THEM4: variants seen among roughly 807,000 people sequenced by gnomAD.
THEM4 encodes the protein thioesterase superfamily member 4, also known as acyl-coenzyme A thioesterase THEM4.
Under a neutral mutation model 25.0 loss-of-function variants are expected in THEM4, and 22 were observed. The observed-to-expected ratio is 0.88, with a 90% CI of 0.63 to 1.26. THEM4 has a LOEUF of 1.26. Ranked by LOEUF, THEM4 falls within the 50% of genes most tolerant of loss-of-function variation. THEM4 has a pLI of 0.00. For synonymous variants in THEM4, 113 were observed against 105.6 expected (o/e 1.07, Z -0.43); for missense variants, 286 against 300.3 (o/e 0.95, Z 0.35).
At chr1:151,879,720 G>A (rs1251043643) in intron 4 of THEM4, among the ~76,000 whole-genome samples, 3 of 149,366 alleles carry the variant, frequency 2.0e-5, no homozygotes, top group Non-Finnish European at 4.4e-5. Flanking sequence ...GCAGTGGCGC[G>A]ATCTTGGTTC....
At chr1:151,909,325 G>T (rs1264162674) in intron 1 of THEM4, 35 bp downstream of exon 1, 4 of 1,494,262 alleles carry the variant, frequency 2.7e-6, no homozygotes, top group Non-Finnish European at 3.6e-6. Flanking sequence ...TCTGAGTCCT[G>T]CTCCCGCCCC....
intron 1 of THEM4, among the ~76,000 whole-genome samples, chr1:151,897,990 A>G (rs1446513860): frequency 6.6e-6 from 1 of 152,218 alleles, no homozygotes; most frequent in Non-Finnish European, 1.5e-5. Context: ...ACAGGGATTC[A>G]TCAGGAGGGT....
chr1:151,908,168 C>T (rs897942544), intron 1 of THEM4, among the ~76,000 whole-genome samples: 2 of 152,186 alleles, frequency 1.3e-5, no homozygotes, highest in Non-Finnish European at 2.9e-5. Context: ...TTTTCTTTTC[C>T]TTTTGGAAGA....
At chr1:151,903,051 G>A (rs1159958871) in intron 1 of THEM4, among the ~76,000 whole-genome samples, 4 of 152,096 alleles carry the variant, frequency 2.6e-5, no homozygotes, top group Admixed American at 2.0e-4. Context: ...AGGAAGTCCT[G>A]ACTTTGGAGT....
At position 151,873,162 on chromosome 1, in the gene THEM4, A is replaced by C. The variant is rs975230622; in HGVS notation, c.*1726T>G. On this transcript the variant is annotated 3_prime_UTR_variant, in exon 6 of 6. Coordinates refer to ENST00000368814, the MANE Select transcript of THEM4 (RefSeq NM_053055.5). Reference sequence around the variant, plus strand: ...AGATGTTTGGGTGGAGAGAAGCATAAATCTGGCCTACGTACACATCTGGGC... The same window carrying C: ...AGATGTTTGGGTGGAGAGAAGCATACATCTGGCCTACGTACACATCTGGGC... Among the ~76,000 whole-genome samples the C allele has an allele frequency of 8.5e-5, 13 of 152,174 alleles. No individual in the cohort carries two copies. The highest frequency in any genetic ancestry group is 8.5e-4 in the Admixed American group (13 of 15,278).
chr1:151,899,006 C>T (rs1002034595), intron 1 of THEM4, among the ~76,000 whole-genome samples: 1 of 152,164 alleles, frequency 6.6e-6, no homozygotes, highest in African/African-American at 2.4e-5. Flanking sequence ...GAAAACCTAC[C>T]CAGGTAATAT....
In THEM4 at chr1:151,877,274, A is replaced by G. The variant is rs182984939; in HGVS notation, c.558-149T>C. On this transcript the variant is annotated intron_variant, in intron 4 of 5. Transcript: ENST00000368814. ...GCCTTAGACAATACATTCCTCAAGG[A>G]CTCTGACACCAACAGCCTCTCAAGC... is the stretch of plus-strand genomic sequence containing the variant. The G allele has an allele frequency of 6.9e-5, 53 of 766,940 alleles. No homozygotes were observed. In the East Asian group the frequency reaches 1.6e-3, roughly 24 times the overall value. 47.5% of individuals were successfully genotyped at this position (766,940 alleles called of 1,614,324 possible).
chr1:151,891,964 G>A (rs1475964946), intron 2 of THEM4, among the ~76,000 whole-genome samples: 1 of 150,662 alleles, frequency 6.6e-6, no homozygotes, highest in Non-Finnish European at 1.5e-5. Flanking sequence ...TTTTGTTTTT[G>A]TTTTTTTTTG....
chr1:151,885,082 CTTTTATTT>C (rs1331415359), intron 4 of THEM4, among the ~76,000 whole-genome samples: 132 of 147,186 alleles, frequency 9.0e-4, no homozygotes, highest in African/African-American at 3.2e-3. Flanking sequence ...GTGATTTCAT[CTTTTATTT>C]ATTTATTTAT....
chr1:151,876,915 A>T, intron 5 of THEM4, 86 bp downstream of exon 5: 1 of 1,504,636 alleles, frequency 6.6e-7, no homozygotes, highest in Non-Finnish European at 8.9e-7. Context: ...CCCCCACAAA[A>T]CCCAAATCAA....
intron 4 of THEM4, among the ~76,000 whole-genome samples, chr1:151,886,601 T>C (rs1653976333): frequency 6.6e-6 from 1 of 152,180 alleles, no homozygotes; most frequent in African/African-American, 2.4e-5. Context: ...ATAACTAATA[T>C]GAAATATTGA....
At chr1:151,897,392 G>A (rs1053077111) in intron 1 of THEM4, among the ~76,000 whole-genome samples, 5 of 152,140 alleles carry the variant, frequency 3.3e-5, no homozygotes. Context: ...AAACTCTATG[G>A]AAGAAGAGAC....
chr1:151,893,331 C>T (rs1189170368), intron 2 of THEM4, among the ~76,000 whole-genome samples: 1 of 141,744 alleles, frequency 7.1e-6, no homozygotes, highest in Non-Finnish European at 1.5e-5. Flanking sequence ...GAGGTCACGC[C>T]ACTGCATTCC....
At chr1:151,908,375 T>C (rs554081537) in intron 1 of THEM4, among the ~76,000 whole-genome samples, 20 of 152,328 alleles carry the variant, frequency 1.3e-4, no homozygotes, top group African/African-American at 4.8e-4. Flanking sequence ...GTAACCCCAT[T>C]GCATAGCTTC....
At chr1:151,904,779 G>A (rs1654420766) in intron 1 of THEM4, among the ~76,000 whole-genome samples, 1 of 152,142 alleles carries the variant, frequency 6.6e-6, no homozygotes, top group African/African-American at 2.4e-5. Context: ...GAAGAGTCTT[G>A]AATGATTATC....
intron 2 of THEM4, 97 bp from the exon 3 acceptor site, chr1:151,889,470 T>C: frequency 8.0e-7 from 1 of 1,245,034 alleles, no homozygotes; most frequent in Non-Finnish European, 1.1e-6. Context: ...CACATGTCAA[T>C]AGATGATTGA....
rs1362454617 is a variant in THEM4 at position 151,909,419 on chromosome 1, C to T, written c.40G>A (p.Ala14Thr). 19 of 1,483,178 alleles carry T rather than the reference C, an allele frequency of 1.3e-5. 1 individual carries two copies. Among genetic ancestry groups the T allele is most frequent in the South Asian group, 1.0e-4 (8 of 78,722 alleles). 91.9% of individuals were successfully genotyped at this position (1,483,178 alleles called of 1,614,324 possible). Reference sequence around the variant, plus strand: ...CGGCCTACTGGCGGCAGGCACAGAGCCCCCAGCGTGCGGAGGCGCGCGGCG... The same window carrying T: ...CGGCCTACTGGCGGCAGGCACAGAGTCCCCAGCGTGCGGAGGCGCGCGGCG... Reference protein sequence around the residue: ...SCAARLRTLGALCLPPVGRRL... With the variant: ...SCAARLRTLGTLCLPPVGRRL... The change falls in exon 1 of 6, where the codon GCT becomes ACT. Residue 14 changes from alanine to threonine, a missense_variant. Coordinates refer to ENST00000368814, the MANE Select transcript of THEM4 (RefSeq NM_053055.5).
chr1:151,895,894 G>A (rs1331088898), intron 1 of THEM4, among the ~76,000 whole-genome samples: 1 of 151,728 alleles, frequency 6.6e-6, no homozygotes, highest in South Asian at 2.1e-4. Context: ...AAAGTGTATA[G>A]TACCTTGTGC....
intron 1 of THEM4, among the ~76,000 whole-genome samples, chr1:151,900,434 G>A (rs1050170891): frequency 1.3e-5 from 2 of 152,142 alleles, no homozygotes; most frequent in Non-Finnish European, 2.9e-5. Context: ...CTGTCTTCAA[G>A]AGACTCACCT....
Sources: allele counts gnomAD v4.1 joint callset (sites outside exome capture counted in the v4.1 genomes callset), GRCh38; gene constraint gnomAD v4.1.1; transcripts MANE v1.5; gene names NCBI Gene and HGNC (gene_info 2026-07-23, HGNC 2026-07-21).